ERBB4: variants seen among roughly 807,000 people sequenced by gnomAD.
ERBB4 encodes erb-b2 receptor tyrosine kinase 4, also known as receptor tyrosine-protein kinase erbB-4.
Under a neutral mutation model 158.0 loss-of-function variants are expected in ERBB4, and 42 were observed. The ratio of observed to expected loss-of-function variants is 0.27; its 90% CI spans 0.21 to 0.34. The LOEUF (loss-of-function observed/expected upper bound fraction) is 0.34, where lower values mean the gene tolerates loss of function less well. Ranked by LOEUF, ERBB4 falls within the 10% of genes least tolerant of loss-of-function variation. The pLI, the probability that ERBB4 is intolerant of heterozygous loss-of-function variation, is 1.00. For missense variants in ERBB4, 1,333 were observed against 1,624.1 expected, an observed-to-expected ratio of 0.82 and a Z score of 3.08; for synonymous variants, 583 against 558.7, an observed-to-expected ratio of 1.04 and a Z score of -0.61.
intron 1 of ERBB4, among the ~76,000 whole-genome samples, chr2:212,190,401 G>A (rs940007048): frequency 6.6e-6 from 1 of 152,124 alleles, no homozygotes; most frequent in Non-Finnish European, 1.5e-5. Flanking sequence ...GCCGGGCGTG[G>A]TGGCAGGTGC....
chr2:211,534,547 T>A (rs1023336756), intron 20 of ERBB4, among the ~76,000 whole-genome samples: 1 of 152,210 alleles, frequency 6.6e-6, no homozygotes, highest in East Asian at 1.9e-4. Context: ...GGCAACTACA[T>A]CTTTGACATT....
At chr2:211,596,311 T>C (rs913490129) in intron 19 of ERBB4, among the ~76,000 whole-genome samples, 32 of 151,994 alleles carry the variant, frequency 2.1e-4, no homozygotes, top group African/African-American at 7.7e-4. Flanking sequence ...GTACATGAAA[T>C]GGTGTTTTAT....
At chr2:212,038,897 G>C (rs1056490484) in intron 2 of ERBB4, among the ~76,000 whole-genome samples, 3 of 152,066 alleles carry the variant, frequency 2.0e-5, no homozygotes, top group African/African-American at 7.2e-5. Context: ...GAGAAGAAAA[G>C]TAAAGTAAAA....
At chr2:211,567,272 C>G (rs2067576226) in intron 19 of ERBB4, among the ~76,000 whole-genome samples, 1 of 152,142 alleles carries the variant, frequency 6.6e-6, no homozygotes, top group African/African-American at 2.4e-5. Flanking sequence ...ACTTCAGTTT[C>G]ATCAGCATAT....
chr2:211,515,912 A>ATATATATATATATATATTTTTTT (rs35696520), intron 20 of ERBB4, among the ~76,000 whole-genome samples: 7 of 78,976 alleles, frequency 8.9e-5, no homozygotes, highest in Non-Finnish European at 1.2e-4. Flanking sequence ...ATATATATAT[A>ATATATATATATATATATTTTTTT]TTTTTTTTTT....
chr2:211,991,952 G>C (rs1218389788), intron 2 of ERBB4, among the ~76,000 whole-genome samples: 1 of 152,046 alleles, frequency 6.6e-6, no homozygotes, highest in Non-Finnish European at 1.5e-5. Context: ...AAGGGAGGGA[G>C]GGGACAGGAC....
At chr2:212,324,613 G>GA (rs1244869545) in intron 1 of ERBB4, among the ~76,000 whole-genome samples, 3 of 149,502 alleles carry the variant, frequency 2.0e-5, no homozygotes, top group East Asian at 2.0e-4. Context: ...AGACATAAAT[G>GA]AAAAAAATAG....
chr2:211,897,075 T>C (rs981076253), intron 3 of ERBB4, among the ~76,000 whole-genome samples: 2 of 150,098 alleles, frequency 1.3e-5, no homozygotes, highest in Non-Finnish European at 3.0e-5. Flanking sequence ...AAGTATAGAA[T>C]ATATTCTATA....
At chr2:211,973,186 C>T (rs768132919) in intron 2 of ERBB4, among the ~76,000 whole-genome samples, 64 of 149,116 alleles carry the variant, frequency 4.3e-4, no homozygotes, top group African/African-American at 1.1e-3. Flanking sequence ...CTAACCATCA[C>T]TAATTACTAG....
At chr2:211,992,149 T>C (rs1319402661) in intron 2 of ERBB4, among the ~76,000 whole-genome samples, 1 of 152,138 alleles carries the variant, frequency 6.6e-6, no homozygotes, top group Non-Finnish European at 1.5e-5. Flanking sequence ...ACCGATTCAC[T>C]GTATCCAGTT....
At position 211,673,241 on chromosome 2, in the gene ERBB4, C is replaced by G; in HGVS notation, c.1639G>C (p.Glu547Gln). The change falls in exon 14 of 28, where the codon GAG (glutamate) becomes CAG (glutamine). Residue 547 changes from glutamate (E) to glutamine (Q), a missense_variant. Glu to Gln is a conservative substitution (Grantham distance 29, BLOSUM62 2). Coordinates refer to ENST00000342788, the MANE Select transcript of ERBB4 (RefSeq NM_005235.3). ...NLYDGEFREF[E>Q]NGSICVECDP... ...CACTCCACACAGATGGAGCCATTCT[C>G]AAACTCCCGAAATTCACTGTGAAAA... The G allele has an allele frequency of 1.2e-6, 2 of 1,613,562 alleles. No homozygotes were observed. Among genetic ancestry groups the G allele is most frequent in the Non-Finnish European group, 1.7e-6 (2 of 1,179,602 alleles).
At chr2:211,572,398 C>T (rs182268188) in intron 19 of ERBB4, among the ~76,000 whole-genome samples, 37 of 152,258 alleles carry the variant, frequency 2.4e-4, no homozygotes, top group Admixed American at 1.0e-3. Flanking sequence ...CCCTCAAGCT[C>T]TATTCTCCAC....
chr2:212,180,032 T>C (rs1206740717), intron 1 of ERBB4, among the ~76,000 whole-genome samples: 1 of 151,658 alleles, frequency 6.6e-6, no homozygotes, highest in Non-Finnish European at 1.5e-5. Context: ...AAATTTTATG[T>C]CTAAAAAATG....
chr2:211,639,113 C>G (rs928480212), intron 16 of ERBB4, among the ~76,000 whole-genome samples: 2 of 152,048 alleles, frequency 1.3e-5, no homozygotes, highest in African/African-American at 4.8e-5. Flanking sequence ...ATTAATTCTT[C>G]CACAGTTTAT....
At chr2:211,834,843 T>A (rs1195769333) in intron 3 of ERBB4, among the ~76,000 whole-genome samples, 1 of 152,128 alleles carries the variant, frequency 6.6e-6, no homozygotes, top group African/African-American at 2.4e-5. Flanking sequence ...ACTTGGGTAA[T>A]CTGTGAAAGA....
chr2:211,973,996 C>T (rs1044670100), intron 2 of ERBB4, among the ~76,000 whole-genome samples: 1 of 152,104 alleles, frequency 6.6e-6, no homozygotes, highest in Non-Finnish European at 1.5e-5. Context: ...AACCAAACAC[C>T]ACATGTTCTC....
chr2:211,984,274 C>A (rs1285711549), intron 2 of ERBB4, among the ~76,000 whole-genome samples: 3 of 152,134 alleles, frequency 2.0e-5, no homozygotes, highest in African/African-American at 7.2e-5. Context: ...TCCCAAAGGC[C>A]CCACTTTTTA....
At chr2:211,512,713 A>G (rs1438213322) in intron 20 of ERBB4, among the ~76,000 whole-genome samples, 2 of 152,084 alleles carry the variant, frequency 1.3e-5, no homozygotes, top group African/African-American at 2.4e-5. Flanking sequence ...TCAAAGTACA[A>G]TTCTTTAAAA....
chr2:211,866,809 C>A (rs1418500252), intron 3 of ERBB4, among the ~76,000 whole-genome samples: 3 of 151,968 alleles, frequency 2.0e-5, no homozygotes, highest in Non-Finnish European at 2.9e-5. Flanking sequence ...GCTATGATTA[C>A]AAATACATTG....
Sources: gnomAD v4.1 joint callset for allele counts (sites outside exome capture counted in the v4.1 genomes callset) on GRCh38, gnomAD v4.1.1 for gene constraint, MANE v1.5 for transcripts, NCBI Gene and HGNC (gene_info 2026-07-23, HGNC 2026-07-21) for gene names.